Variants in TTLL10 observed in about 807,000 individuals in gnomAD.
TTLL10 encodes the protein inactive polyglycylase TTLL10.
Under a neutral mutation model 69.0 loss-of-function variants are expected in TTLL10, and 61 were observed. That is an observed-to-expected ratio of 0.88 (90% CI 0.72 to 1.09). TTLL10 has a LOEUF of 1.09. Ranked by LOEUF, TTLL10 falls within the 50% of genes least tolerant of loss-of-function variation. The pLI, the probability that TTLL10 is intolerant of heterozygous loss-of-function variation, is 0.00. For synonymous variants in TTLL10, 408 were observed against 393.3 expected (o/e 1.04, Z -0.44); for missense variants, 962 against 945.9 (o/e 1.02, Z -0.22).
intron 13 of TTLL10, 37 bp from the exon 14 acceptor site, chr1:1,196,563 C>CG (rs756243774): frequency 2.7e-6 from 4 of 1,489,358 alleles, no homozygotes; most frequent in Admixed American, 2.0e-5. Context: ...TCAGGGCCTA[C>CG]GGGCCGCAGC....
At chr1:1,196,825 C>T in intron 14 of TTLL10, 109 bp downstream of exon 14, 1 of 870,928 alleles carries the variant, frequency 1.1e-6, no homozygotes, top group Non-Finnish European at 1.9e-6. Flanking sequence ...CAGTCAGCCC[C>T]CACCCTGCCT....
At chr1:1,194,999 A>AT (rs1253283954) in intron 13 of TTLL10, among the ~76,000 whole-genome samples, 1 of 150,748 alleles carries the variant, frequency 6.6e-6, no homozygotes. Context: ...TCTCTCTTTC[A>AT]TTTTTTGTTT....
At chr1:1,180,457 G>GGGGCCCCCCCCC in intron 6 of TTLL10, 26 bp from the exon 7 acceptor site, 1 of 1,520,752 alleles carries the variant, frequency 6.6e-7, no homozygotes, top group Non-Finnish European at 8.9e-7. Context: ...CGGCCCCCAG[G>GGGGCCCCCCCCC]TCACCCCCGC....
intron 3 of TTLL10, among the ~76,000 whole-genome samples, chr1:1,178,067 C>T (rs1487190613): frequency 1.3e-5 from 2 of 152,196 alleles, no homozygotes; most frequent in Non-Finnish European, 2.9e-5. Flanking sequence ...TCGTTGTCTC[C>T]TTCCCTCCTG....
At chr1:1,180,680 G>A in intron 7 of TTLL10, 51 bp from the exon 8 acceptor site, 1 of 1,570,150 alleles carries the variant, frequency 6.4e-7, no homozygotes, top group Non-Finnish European at 8.6e-7. Context: ...GGAGGGGTGG[G>A]GACCGAGGTC....
Position 1,197,073 on chromosome 1 carries a change from C to A in TTLL10, c.1519-20C>A, listed in dbSNP as rs538671508. 6.4e-7 allele frequency: 1 copy of A among 1,550,820 alleles called. No homozygotes were observed. The highest frequency in any genetic ancestry group is 1.2e-5 in the South Asian group (1 of 84,030). On this transcript the variant is annotated intron_variant, in intron 14 of 15. Transcript: ENST00000379289. ...CCAGTGGGCTCGGGGTGAGGAGGGA[C>A]TGACTGGCGTCTGGGGCAGGTATGG...
At chr1:1,193,742 G>A (rs9659213) in intron 13 of TTLL10, among the ~76,000 whole-genome samples, 1 of 152,184 alleles carries the variant, frequency 6.6e-6, no homozygotes, top group Non-Finnish European at 1.5e-5. Context: ...TGGGATTACA[G>A]GCGTGAGCCA....
At chr1:1,194,472 A>T (rs1648056587) in intron 13 of TTLL10, among the ~76,000 whole-genome samples, 2 of 152,206 alleles carry the variant, frequency 1.3e-5, no homozygotes, top group South Asian at 4.1e-4. Context: ...TGTGAGTTCC[A>T]GTTACTGTCT....
chr1:1,183,789 T>TC, intron 11 of TTLL10, 131 bp from the exon 12 acceptor site: 7 of 1,214,692 alleles, frequency 5.8e-6, no homozygotes, highest in Non-Finnish European at 7.0e-6. Context: ...ATGCCCCCTT[T>TC]CCCTGGAGGT....
rs1198889797 is a variant in TTLL10, at chr1:1,197,560, TC to T, written c.1736del (p.Ser579CysfsTer?). The T allele has an allele frequency of 2.0e-6, 3 of 1,516,304 alleles. No homozygotes were observed. Among genetic ancestry groups the T allele is most frequent in the Non-Finnish European group, 1.8e-6 (2 of 1,137,586 alleles). 93.9% of individuals were successfully genotyped at this position (1,516,304 alleles called of 1,614,324 possible). A position where few individuals can be genotyped will look rare whatever the true frequency, so the allele number is the denominator to read the frequency against. ...CGACCCGCGGCCGCACCTGGGGGGCTCGTGCAGCCTCCGCCGCTGGCCGCCC... is the reference window on the plus strand; with the variant it reads ...CGACCCGCGGCCGCACCTGGGGGGCTGTGCAGCCTCCGCCGCTGGCCGCCC... ...EADPRPHLGG[S>X]CSLRRWPPLP... On this transcript the variant is annotated frameshift_variant, in exon 16 of 16. Transcript: ENST00000379289. LOFTEE classifies it high-confidence loss of function.
chr1:1,180,849 G>T lies in TTLL10; in HGVS notation c.744G>T (p.Gly248=), dbSNP rs764804537. Residue 248 remains glycine, a synonymous_variant, in exon 8 of 16, where the codon GGG becomes GGT. Coordinates refer to ENST00000379289, the MANE Select transcript of TTLL10 (RefSeq NM_001130045.2). ...GCAAGGCCAGCAAGGTGCCGGGGGG[G>T]GTCCAGGCCAGGTGAGTCTGCCCCT... ...AMSKASKVPG[G]VQARLEKDAA... 30 of 1,573,802 alleles carry T rather than the reference G, an allele frequency of 1.9e-5. No homozygotes were observed. The highest frequency in any genetic ancestry group is 9.6e-5 in the East Asian group (4 of 41,834).
chr1:1,184,125 G>A (rs1402833414), intron 12 of TTLL10, 34 bp downstream of exon 12: 1 of 1,613,418 alleles, frequency 6.2e-7, no homozygotes, highest in Non-Finnish European at 8.5e-7. Flanking sequence ...CCTCCCTGCA[G>A]CCTTGGGATG....
At chr1:1,179,166 T>G in intron 3 of TTLL10, 23 bp from the exon 4 acceptor site, 1 of 1,446,602 alleles carries the variant, frequency 6.9e-7, no homozygotes, top group African/African-American at 1.4e-5. Context: ...CACAGGAGGG[T>G]CAGAGCGGCA....
At position 1,182,887 on chromosome 1, in the gene TTLL10, T is replaced by C. The variant is rs757457950; in HGVS notation, c.928T>C (p.Trp310Arg). 4.4e-6 allele frequency: 7 copies of C among 1,585,502 alleles called. No homozygotes were observed. Among genetic ancestry groups the C allele is most frequent in the Admixed American group, 3.5e-5 (2 of 56,592 alleles). ...CGCGCTCTCTGCAGAAACCCAGATA[T>C]GGATCTGCAAGCCCACAGCCTCCAA... ...FFTLFDETQIWICKPTASNQG... is the reference protein window; with the variant it reads ...FFTLFDETQIRICKPTASNQG... Residue 310 changes from tryptophan (W) to arginine (R), a missense_variant, in exon 11 of 16, where the codon TGG becomes CGG. Coordinates refer to ENST00000379289, the MANE Select transcript of TTLL10 (RefSeq NM_001130045.2).
rs568723652 is a variant in TTLL10 at position 1,184,144 on chromosome 1, A to G, written c.1260+53A>G. ...CCTGCAGCCTTGGGATGAGATTAGA[A>G]GGAGGTTCTCACTGCTAGGGGGTGC... On this transcript the variant is annotated intron_variant, in intron 12 of 15. Transcript: ENST00000379289. 2.6e-4 allele frequency: 412 copies of G among 1,611,038 alleles called. 1 individual carries two copies. The African/African-American group carries it at 4.7e-3, about 18-fold the overall frequency.
At chr1:1,180,460 A>ACCCCCCCCCCCC in intron 6 of TTLL10, 23 bp from the exon 7 acceptor site, 14 of 1,107,316 alleles carry the variant, frequency 1.3e-5, no homozygotes, top group Admixed American at 2.2e-5. Flanking sequence ...CCCCCAGGTC[A>ACCCCCCCCCCCC]CCCCCGCCCC....
In TTLL10 at chr1:1,181,820, A is replaced by G. The variant is rs1557479095; in HGVS notation, c.830+5A>G. The G allele has an allele frequency of 1.2e-6, 2 of 1,603,558 alleles. No homozygotes were observed. Among genetic ancestry groups the G allele is most frequent in the South Asian group, 2.3e-5 (2 of 88,726 alleles). On this transcript the variant is annotated splice_donor_5th_base_variant and intron_variant, in intron 9 of 15. Coordinates refer to ENST00000379289, the MANE Select transcript of TTLL10 (RefSeq NM_001130045.2). The surrounding 1 kb of genome is among the most constrained non-coding windows in gnomAD (Gnocchi z 4.6). The stretch of plus-strand genomic sequence containing the variant: ...AGGATACCTCAGGCCACAGAGGTAG[A>G]CTCAGCCCAGCTGTGAGGGGCCCTT...
In TTLL10 at chr1:1,190,061, G is replaced by A. The variant is rs189973229; in HGVS notation, c.1401+4952G>A. On this transcript the variant is annotated intron_variant, in intron 13 of 15. Coordinates refer to ENST00000379289, the MANE Select transcript of TTLL10 (RefSeq NM_001130045.2). ...CGGGAGGCGGAGCTTGCAGTGAGCC[G>A]AGATCGCACCACTGCACTCCAGCCT... 6.2e-3 allele frequency among the ~76,000 whole-genome samples: 932 copies of A among 149,908 alleles called. 8 individuals are homozygous for A. Among genetic ancestry groups the A allele is most frequent in the African/African-American group, 0.021 (849 of 40,676 alleles).
chr1:1,184,302 C>T (rs973116706), intron 12 of TTLL10, among the ~76,000 whole-genome samples: 10 of 152,218 alleles, frequency 6.6e-5, no homozygotes, highest in Non-Finnish European at 1.5e-4. Context: ...AGAAGAAGGG[C>T]GTGGCAGGGA....
Sources: allele counts gnomAD v4.1 joint callset (sites outside exome capture counted in the v4.1 genomes callset), GRCh38; gene constraint gnomAD v4.1.1; non-coding constraint Gnocchi (gnomAD v3.1); transcripts MANE v1.5; gene names NCBI Gene and HGNC (gene_info 2026-07-23, HGNC 2026-07-21).